USP8: variants seen among roughly 807,000 people sequenced by gnomAD.
USP8 encodes ubiquitin carboxyl-terminal hydrolase 8.
In USP8, 27 loss-of-function variants were observed where a neutral mutation model predicts 130.0. The ratio of observed to expected loss-of-function variants is 0.21; its 90% CI spans 0.15 to 0.29. USP8 has a LOEUF of 0.29. USP8 is among the 10% of genes least tolerant of loss of function. USP8 has a pLI of 1.00. For synonymous variants in USP8, 392 were observed against 444.1 expected (o/e 0.88, Z 1.48); for missense variants, 1,029 against 1,312.2 (o/e 0.78, Z 3.33).
chr15:50,432,848 G>A (rs1208167027), intron 1 of USP8, among the ~76,000 whole-genome samples: 1 of 152,108 alleles, frequency 6.6e-6, no homozygotes, highest in Non-Finnish European at 1.5e-5. Context: ...TTAGCACAGT[G>A]CTAGAGACAT....
chr15:50,473,317 TCATG>T (rs1281992892), intron 8 of USP8, among the ~76,000 whole-genome samples: 5 of 152,166 alleles, frequency 3.3e-5, no homozygotes, highest in African/African-American at 1.2e-4. Flanking sequence ...ACATATTCTC[TCATG>T]TAATTTAAAT....
At position 50,501,976 on chromosome 15, in the gene USP8, A is replaced by G; in HGVS notation, c.*2888A>G. The stretch of plus-strand genomic sequence containing the variant: ...ACACTTTTCAGTGGCTGCTTTAATG[A>G]TACAACAGTAAAACTGAATAGTTGC... On this transcript the variant is annotated 3_prime_UTR_variant, in exon 20 of 20. Coordinates refer to ENST00000307179, the MANE Select transcript of USP8 (RefSeq NM_005154.5). 1 of 152,226 alleles carries G rather than the reference A, an allele frequency of 6.6e-6. No individual in the cohort carries two copies. Among genetic ancestry groups the G allele is most frequent in the Non-Finnish European group, 1.5e-5 (1 of 68,046 alleles). The allele number at this position is 152,226 out of a possible 1,614,324, so 9.4% of individuals were successfully genotyped here. A position where few individuals can be genotyped will look rare whatever the true frequency, so the allele number is the denominator to read the frequency against.
At chr15:50,451,442 G>A (rs2050626954) in intron 4 of USP8, among the ~76,000 whole-genome samples, 1 of 152,048 alleles carries the variant, frequency 6.6e-6, no homozygotes, top group Non-Finnish European at 1.5e-5. Context: ...ACTTATAAAG[G>A]AAGTCATTAA....
chr15:50,500,625 A>G lies in USP8; in HGVS notation c.*1537A>G, dbSNP rs201177025. 90 of 674,928 alleles carry G rather than the reference A, an allele frequency of 1.3e-4. No individual in the cohort carries two copies. The East Asian group carries it at 2.5e-3, about 19-fold the overall frequency. The allele number at this position is 674,928 out of a possible 1,614,324, so 41.8% of individuals were successfully genotyped here. A position where few individuals can be genotyped will look rare whatever the true frequency, so the allele number is the denominator to read the frequency against. The stretch of plus-strand genomic sequence containing the variant: ...ACCAGATGCTGACTGCTTGTTTTGC[A>G]GTGTTCAGGAAACACCATTTTCCTG... On this transcript the variant is annotated 3_prime_UTR_variant, in exon 20 of 20. Transcript: ENST00000307179.
intron 10 of USP8, among the ~76,000 whole-genome samples, chr15:50,477,773 G>A (rs139489589): frequency 0.045 from 6,804 of 151,682 alleles, 255 homozygotes; most frequent in Non-Finnish European, 0.069. Context: ...CCCAGGAAGC[G>A]GAGGTTGCAG....
intron 7 of USP8, among the ~76,000 whole-genome samples, chr15:50,471,352 C>T (rs2051368688): frequency 6.6e-6 from 1 of 152,078 alleles, no homozygotes; most frequent in South Asian, 2.1e-4. Context: ...CAGTTTTGCT[C>T]CCCCCTTGAC....
Position 50,511,407 on chromosome 15 carries a change from A to G in USP8, c.*12319A>G, listed in dbSNP as rs1304475981. The G allele has an allele frequency of 6.6e-6, 1 of 152,216 alleles. No individual in the cohort carries two copies. The highest frequency in any genetic ancestry group is 1.5e-5 in the Non-Finnish European group (1 of 68,032). The allele number at this position is 152,216 out of a possible 1,614,324, so 9.4% of individuals were successfully genotyped here. On this transcript the variant is annotated 3_prime_UTR_variant, in exon 20 of 20. Transcript: ENST00000307179. ...TAACCAGAGTTACCATATGACCCAG[A>G]AATTTCACACTTAGGTATATACCCA...
chr15:50,465,985 G>A (rs1175062113), intron 7 of USP8, among the ~76,000 whole-genome samples: 5 of 152,178 alleles, frequency 3.3e-5, no homozygotes, highest in South Asian at 4.1e-4. Context: ...CCTGGCACGA[G>A]TAAGGACTTA....
chr15:50,475,973 G>A (rs979762701), intron 8 of USP8, among the ~76,000 whole-genome samples: 11 of 152,046 alleles, frequency 7.2e-5, no homozygotes, highest in African/African-American at 2.2e-4. Context: ...TAAAATGTTC[G>A]TGTACCTTAG....
intron 4 of USP8, among the ~76,000 whole-genome samples, chr15:50,458,236 C>T (rs2141276950): frequency 6.6e-6 from 1 of 152,326 alleles, no homozygotes; most frequent in Non-Finnish European, 1.5e-5. Context: ...ACTGCATCCT[C>T]CGCCTTCCCA....
Position 50,513,276 on chromosome 15 carries a change from A to G in USP8, c.*14188A>G, listed in dbSNP as rs1221899460. The G allele has an allele frequency of 6.6e-6, 1 of 152,222 alleles. No individual in the cohort carries two copies. Among genetic ancestry groups the G allele is most frequent in the Non-Finnish European group, 1.5e-5 (1 of 68,036 alleles). The allele number at this position is 152,222 out of a possible 1,614,324, so 9.4% of individuals were successfully genotyped here. ...ATGTCTGCATAATGTTGTTCATGCC[A>G]GCAAAAATTTGGAAACAATGAAATA... On this transcript the variant is annotated 3_prime_UTR_variant, in exon 20 of 20. Transcript: ENST00000307179.
At chr15:50,483,942 G>T (rs1022973059) in intron 11 of USP8, among the ~76,000 whole-genome samples, 5 of 151,956 alleles carry the variant, frequency 3.3e-5, no homozygotes, top group Admixed American at 3.3e-4. Flanking sequence ...AACCAAAATC[G>T]TAATAGTATT....
chr15:50,471,902 CT>C (rs57729947), intron 8 of USP8, 107 bp downstream of exon 8: 109,496 of 850,694 alleles, frequency 0.13, 204 homozygotes, highest in African/African-American at 0.16. Flanking sequence ...TTCATCATGC[CT>C]TTTTTTTTTT....
intron 11 of USP8, among the ~76,000 whole-genome samples, chr15:50,482,799 T>G (rs1245028371): frequency 6.6e-6 from 1 of 152,220 alleles, no homozygotes; most frequent in African/African-American, 2.4e-5. Flanking sequence ...AAAAACATTT[T>G]TAGTAGTGTG....
chr15:50,512,928 A>G lies in USP8; in HGVS notation c.*13840A>G, dbSNP rs990706758. 3 of 152,196 alleles carry G rather than the reference A, an allele frequency of 2.0e-5. No homozygotes were observed. Among genetic ancestry groups the G allele is most frequent in the Non-Finnish European group, 4.4e-5 (3 of 68,044 alleles). 9.4% of individuals were successfully genotyped at this position (152,196 alleles called of 1,614,324 possible). A position where few individuals can be genotyped will look rare whatever the true frequency, so the allele number is the denominator to read the frequency against. ...AAAGATCATGTACAACAAACCAAAA[A>G]CAAAAAAGTTATTTCTAACCCATGT... On this transcript the variant is annotated 3_prime_UTR_variant, in exon 20 of 20. Transcript: ENST00000307179.
At chr15:50,459,702 A>C (rs1019575646) in intron 5 of USP8, among the ~76,000 whole-genome samples, 1 of 152,172 alleles carries the variant, frequency 6.6e-6, no homozygotes, top group Non-Finnish European at 1.5e-5. Flanking sequence ...AGACATTATA[A>C]ACTTAATTAG....
Position 50,497,188 on chromosome 15 carries a change from G to A in USP8, c.2995G>A (p.Glu999Lys). Residue 999 changes from glutamate (E) to lysine (K), a missense_variant, in exon 18 of 20, where the codon GAA becomes AAA. This residue lies in a region of USP8 where 257 missense variants were observed against 429.8 expected (regional missense o/e 0.60). Coordinates refer to ENST00000307179, the MANE Select transcript of USP8 (RefSeq NM_005154.5). ...RARRDSLKKIEIWKLPPVLLV... is the reference protein window; with the variant it reads ...RARRDSLKKIKIWKLPPVLLV... ...TCGACGGGATTCTCTAAAAAAGATA[G>A]AAATCTGGAAGTTACCACCTGTGCT... 6.2e-7 allele frequency: 1 copy of A among 1,611,030 alleles called. No individual in the cohort carries two copies. The highest frequency in any genetic ancestry group is 8.5e-7 in the Non-Finnish European group (1 of 1,178,812).
At position 50,495,484 on chromosome 15, in the gene USP8, G is replaced by GT. The variant is rs778849183; in HGVS notation, c.2659-364_2659-363insT. On this transcript the variant is annotated intron_variant, in intron 16 of 19. Transcript: ENST00000307179. ...GCTTTTTCTTTTTTTAGTAGAGATT[G>GT]GAGGGGGGGGTCTCACTATGTTGCA... is the stretch of plus-strand genomic sequence containing the variant. 6.1e-5 allele frequency among the ~76,000 whole-genome samples: 7 copies of GT among 115,408 alleles called. 1 individual carries two copies. Among genetic ancestry groups the GT allele is most frequent in the African/African-American group, 9.0e-5 (2 of 22,140 alleles). The allele number at this position is 115,408 out of a possible 152,430, so 75.7% of individuals were successfully genotyped here. A position where few individuals can be genotyped will look rare whatever the true frequency, so the allele number is the denominator to read the frequency against.
intron 13 of USP8, 21 bp from the exon 14 acceptor site, chr15:50,490,242 T>A: frequency 6.3e-7 from 1 of 1,579,952 alleles, no homozygotes; most frequent in South Asian, 1.2e-5. Flanking sequence ...GACCTGTTTT[T>A]TTTTTTCTTT....
Sources: gnomAD v4.1 joint callset for allele counts (sites outside exome capture counted in the v4.1 genomes callset) on GRCh38, gnomAD v4.1.1 for gene constraint, gnomAD v4.1.1 regional missense constraint, MANE v1.5 for transcripts, NCBI Gene and HGNC (gene_info 2026-07-23, HGNC 2026-07-21) for gene names.